The following FAM163A variants were observed in gnomAD, a reference collection of about 807,000 sequenced individuals.
FAM163A encodes the protein protein FAM163A.
A neutral mutation model predicts 12.0 loss-of-function variants in FAM163A; 7 were observed. That is an observed-to-expected ratio of 0.58 (90% CI 0.33 to 1.10). The LOEUF (loss-of-function observed/expected upper bound fraction) is 1.10. FAM163A is among the 50% of genes least tolerant of loss of function. The pLI, the probability that FAM163A is intolerant of heterozygous loss-of-function variation, is 0.03. For synonymous variants in FAM163A, 101 were observed against 91.0 expected, an observed-to-expected ratio of 1.11 and a Z score of -0.62; for missense variants, 202 against 218.6, an observed-to-expected ratio of 0.92 and a Z score of 0.48.
chr1:179,778,522 A>G (rs1689290147), intron 1 of FAM163A, among the ~76,000 whole-genome samples: 1 of 152,200 alleles, frequency 6.6e-6, no homozygotes, highest in Admixed American at 6.5e-5. Context: ...AGAGCATCGC[A>G]TGCCCCAGGA....
At position 179,778,286 on chromosome 1, in the gene FAM163A, TC is replaced by T. The variant is rs1465177824; in HGVS notation, c.-135-29510del. On this transcript the variant is annotated intron_variant, in intron 1 of 4. Transcript: ENST00000341785. ...CCTCCTTACACCCCATATCCCTGACTCCAAGGAAGAGACAGCACCCCAGGTG... is the reference window on the plus strand; with the variant it reads ...CCTCCTTACACCCCATATCCCTGACTCAAGGAAGAGACAGCACCCCAGGTG... Among the ~76,000 whole-genome samples, 8 of 152,080 alleles carry T rather than the reference TC, an allele frequency of 5.3e-5. No homozygotes were observed. The East Asian group carries it at 1.5e-3, about 29-fold the overall frequency.
At chr1:179,755,121 A>G (rs1306380678) in intron 1 of FAM163A, among the ~76,000 whole-genome samples, 1 of 147,458 alleles carries the variant, frequency 6.8e-6, no homozygotes, top group African/African-American at 2.5e-5. Context: ...TGGACTACAG[A>G]GCAAGACTCT....
chr1:179,734,050 G>A, the FAM163A span, among the ~76,000 whole-genome samples: 60 of 152,236 alleles, frequency 3.9e-4, 2 homozygotes, highest in Non-Finnish European at 7.1e-4. Flanking sequence ...AGCAGCAAAC[G>A]CATCAATGTT....
intron 1 of FAM163A, among the ~76,000 whole-genome samples, chr1:179,783,448 T>G: frequency 6.6e-6 from 1 of 152,166 alleles, no homozygotes; most frequent in African/African-American, 2.4e-5. Flanking sequence ...TGTTTATTTT[T>G]TAAATGTGCA....
At chr1:179,781,933 C>CAA (rs58962319) in intron 1 of FAM163A, among the ~76,000 whole-genome samples, 25 of 119,370 alleles carry the variant, frequency 2.1e-4, no homozygotes, top group East Asian at 8.5e-4. Context: ...GAATCCGTAT[C>CAA]AAAAAAAAAA....
chr1:179,806,271 C>T (rs1693921221), intron 1 of FAM163A, among the ~76,000 whole-genome samples: 1 of 152,244 alleles, frequency 6.6e-6, no homozygotes. Context: ...CCTGTCAGAA[C>T]TCGTGCAGCA....
intron 1 of FAM163A, among the ~76,000 whole-genome samples, chr1:179,800,340 C>G (rs1692982093): frequency 6.6e-6 from 1 of 152,246 alleles, no homozygotes; most frequent in Non-Finnish European, 1.5e-5. Flanking sequence ...GTACGCTCAG[C>G]CTTGCCCTTG....
chr1:179,747,678 C>A (rs913706465), intron 1 of FAM163A, among the ~76,000 whole-genome samples: 1 of 152,200 alleles, frequency 6.6e-6, no homozygotes, highest in African/African-American at 2.4e-5. Flanking sequence ...CCATTCTCTA[C>A]GCAGTAAGCT....
rs1422707788 is a variant in FAM163A, at chr1:179,814,333, A to AT, written c.*147dup. ...GCTCCGCAGTGGAGGGTTTACTAGG[A>AT]TTTAAGCTTTTGAGTGCATTGAGAA... On this transcript the variant is annotated 3_prime_UTR_variant, in exon 5 of 5. Coordinates refer to ENST00000341785, the MANE Select transcript of FAM163A (RefSeq NM_173509.3). 1.7e-6 allele frequency: 2 copies of AT among 1,161,578 alleles called. No homozygotes were observed. Among genetic ancestry groups the AT allele is most frequent in the Admixed American group, 6.1e-5 (2 of 32,844 alleles). 72.0% of individuals were successfully genotyped at this position (1,161,578 alleles called of 1,614,324 possible). A position where few individuals can be genotyped will look rare whatever the true frequency, so the allele number is the denominator to read the frequency against.
At chr1:179,790,282 G>GT (rs1214635465) in intron 1 of FAM163A, among the ~76,000 whole-genome samples, 1 of 137,540 alleles carries the variant, frequency 7.3e-6, no homozygotes. Flanking sequence ...AAACTAAGAG[G>GT]TTTTTTGTCA....
intron 1 of FAM163A, among the ~76,000 whole-genome samples, chr1:179,778,748 T>C (rs1689321992): frequency 2.0e-5 from 3 of 152,182 alleles, no homozygotes; most frequent in Admixed American, 6.5e-5. Flanking sequence ...TGGTGTGCAG[T>C]TGACGTATAT....
chr1:179,773,714 C>T (rs927083695), intron 1 of FAM163A, among the ~76,000 whole-genome samples: 2 of 152,130 alleles, frequency 1.3e-5, no homozygotes, highest in Non-Finnish European at 2.9e-5. Context: ...CATACCTTGC[C>T]GGGTTAGTGC....
chr1:179,810,714 C>T (rs1249034075), intron 2 of FAM163A, among the ~76,000 whole-genome samples: 2 of 152,100 alleles, frequency 1.3e-5, no homozygotes, highest in Non-Finnish European at 2.9e-5. Context: ...AGGTTTGCCC[C>T]GTATCTTTTC....
At chr1:179,813,685 G>A in intron 4 of FAM163A, 94 bp from the exon 5 acceptor site, 3 of 1,426,342 alleles carry the variant, frequency 2.1e-6, no homozygotes, top group Admixed American at 2.0e-5. Flanking sequence ...GGTTCTCCAT[G>A]GAGCAGGGGA....
rs527847194 is a variant in FAM163A, at chr1:179,755,807, G to A, written c.-136+12384G>A. Among the ~76,000 whole-genome samples, 17 of 152,168 alleles carry A rather than the reference G, an allele frequency of 1.1e-4. No individual in the cohort carries two copies. In the South Asian group the frequency reaches 1.9e-3, roughly 17 times the overall value. ...GAGTGCCCATGGATTCAAGGTCTCC[G>A]AACTTAGCTGAGTCCTCATGGTGAC... On this transcript the variant is annotated intron_variant, in intron 1 of 4. Transcript: ENST00000341785.
intron 1 of FAM163A, among the ~76,000 whole-genome samples, chr1:179,749,045 T>C (rs563298174): frequency 6.6e-6 from 1 of 152,354 alleles, no homozygotes; most frequent in African/African-American, 2.4e-5. Flanking sequence ...TATTTAAATA[T>C]CCAGCTACTG....
At chr1:179,781,231 T>C (rs1175234904) in intron 1 of FAM163A, among the ~76,000 whole-genome samples, 1 of 152,168 alleles carries the variant, frequency 6.6e-6, no homozygotes, top group Admixed American at 6.5e-5. Flanking sequence ...ATAGTGGTGA[T>C]GGTTCAACAA....
chr1:179,801,541 C>A (rs1045484247), intron 1 of FAM163A, among the ~76,000 whole-genome samples: 1 of 152,128 alleles, frequency 6.6e-6, no homozygotes, highest in African/African-American at 2.4e-5. Flanking sequence ...AGATCACCCT[C>A]CCCCCATTTT....
chr1:179,796,833 A>G (rs1246975378), intron 1 of FAM163A, among the ~76,000 whole-genome samples: 1 of 152,242 alleles, frequency 6.6e-6, no homozygotes, highest in Non-Finnish European at 1.5e-5. Flanking sequence ...TACATAGAAG[A>G]CTTGAGAAGT....
Sources: allele counts gnomAD v4.1 joint callset (sites outside exome capture counted in the v4.1 genomes callset), GRCh38; gene constraint gnomAD v4.1.1; transcripts MANE v1.5; gene names NCBI Gene and HGNC (gene_info 2026-07-23, HGNC 2026-07-21).